SMYD4: variants seen among roughly 807,000 people sequenced by gnomAD.
SMYD4 encodes the protein SET and MYND domain containing 4.
Under a neutral mutation model 72.8 loss-of-function variants are expected in SMYD4, and 68 were observed. That is an observed-to-expected ratio of 0.93 (90% CI 0.77 to 1.14). The LOEUF (loss-of-function observed/expected upper bound fraction) is 1.14. Among genes scored for constraint, SMYD4 ranks in the 50% most tolerant of loss-of-function variants. SMYD4 has a pLI of 0.00. For missense variants in SMYD4, 984 were observed against 1,003.7 expected (o/e 0.98, Z 0.27); for synonymous variants, 407 against 388.6 (o/e 1.05, Z -0.56).
rs1157968614 is a variant in SMYD4 at position 1,800,696 on chromosome 17, G to A, written c.698C>T (p.Ser233Leu). ...AGGATCTACGCATAAGCCGATGGAT[G>A]ATGAGGCATTGGAAAGTTGTTCATT... ...EENEQLSNAS[S>L]SIGLCVDPLK... Residue 233 changes from serine to leucine, a missense_variant, in exon 5 of 11, where the codon TCA (serine) becomes TTA (leucine). By Grantham distance (145) the Ser-to-Leu change is moderately radical. Transcript: ENST00000305513. The A allele has an allele frequency of 6.2e-7, 1 of 1,614,230 alleles. No individual in the cohort carries two copies. The highest frequency in any genetic ancestry group is 8.5e-7 in the Non-Finnish European group (1 of 1,180,044).
intron 2 of SMYD4, among the ~76,000 whole-genome samples, chr17:1,823,214 C>CA (rs57867059): frequency 0.012 from 1,566 of 135,764 alleles, 30 homozygotes; most frequent in African/African-American, 0.036. Context: ...ACTAAAAATA[C>CA]AAAAAAAAAA....
rs775527557 is a variant in SMYD4, at chr17:1,800,556, C to T, written c.838G>A (p.Gly280Ser). The T allele has an allele frequency of 4.3e-6, 7 of 1,614,026 alleles. No individual in the cohort carries two copies. Among genetic ancestry groups the T allele is most frequent in the African/African-American group, 2.7e-5 (2 of 74,904 alleles). The change falls in exon 5 of 11, where the codon GGC (glycine) becomes AGC (serine). Residue 280 changes from glycine (G) to serine (S), a missense_variant. Gly to Ser is a moderately conservative substitution (Grantham distance 56, BLOSUM62 0). Coordinates refer to ENST00000305513, the MANE Select transcript of SMYD4 (RefSeq NM_052928.3). Reference protein sequence around the residue: ...NPGELPPPHHGLDSKWDTRVT... With the variant: ...NPGELPPPHHSLDSKWDTRVT... ...CTGGTGTCCCATTTGCTGTCTAGGC[C>T]GTGATGCGGTGGTGGCAGTTCTCCT... is the stretch of plus-strand genomic sequence containing the variant.
chr17:1,798,002 A>T (rs1909495729), intron 5 of SMYD4, among the ~76,000 whole-genome samples: 1 of 151,936 alleles, frequency 6.6e-6, no homozygotes, highest in Non-Finnish European at 1.5e-5. Flanking sequence ...ACTCCATCTC[A>T]GAAAAAAAAA....
chr17:1,802,728 G>A (rs1909832729), intron 4 of SMYD4, among the ~76,000 whole-genome samples: 1 of 152,166 alleles, frequency 6.6e-6, no homozygotes, highest in African/African-American at 2.4e-5. Flanking sequence ...AATTTTTGTA[G>A]AATGTTGAAA....
chr17:1,818,742 C>T (rs1910756786), intron 2 of SMYD4, among the ~76,000 whole-genome samples: 1 of 151,980 alleles, frequency 6.6e-6, no homozygotes, highest in South Asian at 2.1e-4. Flanking sequence ...TCACTGCAAC[C>T]TCTACCTCCT....
chr17:1,795,996 CAATA>C (rs2151229744), intron 5 of SMYD4, among the ~76,000 whole-genome samples: 1 of 152,078 alleles, frequency 6.6e-6, no homozygotes, highest in East Asian at 1.9e-4. Context: ...ATTACATAAA[CAATA>C]AATTATGCAT....
intron 2 of SMYD4, among the ~76,000 whole-genome samples, chr17:1,822,677 C>T (rs745334976): frequency 6.6e-6 from 1 of 152,086 alleles, no homozygotes; most frequent in Non-Finnish European, 1.5e-5. Flanking sequence ...GTTGCCCAGG[C>T]TGGTCTTGAA....
Position 1,783,097 on chromosome 17 carries a change from G to A in SMYD4, c.2199C>T (p.His733=), listed in dbSNP as rs536297451. 1.2e-5 allele frequency: 20 copies of A among 1,614,178 alleles called. No individual in the cohort carries two copies. Among genetic ancestry groups the A allele is most frequent in the African/African-American group, 1.1e-4 (8 of 75,048 alleles). Residue 733 remains histidine, a synonymous_variant, in exon 10 of 11, where the codon CAC becomes CAT. Transcript: ENST00000305513. Reference sequence around the variant, plus strand: ...GGCCCATTTCAACACTGGACGGCCCGTGGCGAACCTCCACCACGTAGAGAC... The same window carrying A: ...GGCCCATTTCAACACTGGACGGCCCATGGCGAACCTCCACCACGTAGAGAC... ...QRSLYVVEVR[H]GPSSVEMGHE...
At chr17:1,791,813 G>A (rs932036234) in intron 5 of SMYD4, among the ~76,000 whole-genome samples, 1 of 152,074 alleles carries the variant, frequency 6.6e-6, no homozygotes, top group East Asian at 1.9e-4. Context: ...CTTGAGCCCA[G>A]GAGTTTGAGG....
chr17:1,805,927 C>CTTT (rs34177306), intron 3 of SMYD4, among the ~76,000 whole-genome samples: 1 of 140,446 alleles, frequency 7.1e-6, no homozygotes, highest in Non-Finnish European at 1.5e-5. Context: ...ACATCAAATT[C>CTTT]TTTTTTTTTT....
chr17:1,816,392 G>C (rs1042365504), intron 2 of SMYD4, among the ~76,000 whole-genome samples: 1 of 151,740 alleles, frequency 6.6e-6, no homozygotes, highest in Non-Finnish European at 1.5e-5. Context: ...GGCCGAGGCG[G>C]GTGGATCACG....
chr17:1,794,033 ATATG>A (rs1242752168), intron 5 of SMYD4, among the ~76,000 whole-genome samples: 121 of 76,894 alleles, frequency 1.6e-3, no homozygotes, highest in Middle Eastern at 6.2e-3. Context: ...GTGTATATAT[ATATG>A]TATGTATATA....
At chr17:1,809,532 GC>G (rs1910216181) in intron 3 of SMYD4, among the ~76,000 whole-genome samples, 1 of 150,410 alleles carries the variant, frequency 6.6e-6, no homozygotes, top group Admixed American at 6.7e-5. Context: ...CCGCCACCAC[GC>G]CCAGCTAATT....
At chr17:1,790,928 CT>C (rs1908987984) in intron 5 of SMYD4, among the ~76,000 whole-genome samples, 1 of 151,066 alleles carries the variant, frequency 6.6e-6, no homozygotes, top group Non-Finnish European at 1.5e-5. Flanking sequence ...AGATCGAGAC[CT>C]TCCTGGCTAA....
intron 5 of SMYD4, among the ~76,000 whole-genome samples, chr17:1,794,386 T>A (rs1366682302): frequency 6.6e-6 from 1 of 151,338 alleles, no homozygotes; most frequent in African/African-American, 2.4e-5. Flanking sequence ...CCCATAGTGC[T>A]GGGATTACAG....
In SMYD4 at chr17:1,803,961, T is replaced by C. The variant is rs1399282100; in HGVS notation, c.369+665A>G. Among the ~76,000 whole-genome samples the C allele has an allele frequency of 9.9e-5, 15 of 151,580 alleles. No homozygotes were observed. The East Asian group carries it at 2.9e-3, about 29-fold the overall frequency. ...TGCGATCTGGGCTCACTGCAACCTCTGCCTCCTGGGTTCAAGCAATACTCC... is the reference window on the plus strand; with the variant it reads ...TGCGATCTGGGCTCACTGCAACCTCCGCCTCCTGGGTTCAAGCAATACTCC... On this transcript the variant is annotated intron_variant, in intron 4 of 10. Coordinates refer to ENST00000305513, the MANE Select transcript of SMYD4 (RefSeq NM_052928.3).
intron 5 of SMYD4, among the ~76,000 whole-genome samples, 178 bp from the exon 6 acceptor site, chr17:1,787,782 G>C (rs1908785565): frequency 6.6e-6 from 1 of 152,172 alleles, no homozygotes; most frequent in Admixed American, 6.5e-5. Flanking sequence ...CCAGTCCCCA[G>C]GAAGCAAAGT....
At chr17:1,795,734 G>A (rs1285785926) in intron 5 of SMYD4, among the ~76,000 whole-genome samples, 1 of 139,312 alleles carries the variant, frequency 7.2e-6, no homozygotes, top group African/African-American at 2.8e-5. Flanking sequence ...GAGCCACTGT[G>A]CCTGGCCCGT....
At chr17:1,795,279 GGTCT>G (rs990655983) in intron 5 of SMYD4, among the ~76,000 whole-genome samples, 3 of 151,666 alleles carry the variant, frequency 2.0e-5, no homozygotes, top group African/African-American at 4.8e-5. Context: ...CTGTCTGTCT[GGTCT>G]GTCTATCTGA....
Sources: allele counts gnomAD v4.1 joint callset (sites outside exome capture counted in the v4.1 genomes callset), GRCh38; gene constraint gnomAD v4.1.1; transcripts MANE v1.5; gene names NCBI Gene and HGNC (gene_info 2026-07-23, HGNC 2026-07-21).